CSMD1: variants seen among roughly 807,000 people sequenced by gnomAD.
The protein encoded by CSMD1 is CUB and sushi domain-containing protein 1.
In CSMD1, 213 loss-of-function variants were observed where a neutral mutation model predicts 417.5. That is an observed-to-expected ratio of 0.51 (90% CI 0.46 to 0.57). CSMD1 has a LOEUF of 0.57. Among genes scored for constraint, CSMD1 ranks in the 20% least tolerant of loss-of-function variants. The pLI is 0.00. For missense variants in CSMD1, 6,923 were observed against 4,529.7 expected (o/e 1.53, Z -15.17); for synonymous variants, 2,862 against 1,736.8 (o/e 1.65, Z -16.11).
chr8:3,976,928 G>T (rs1040911071), intron 5 of CSMD1, among the ~76,000 whole-genome samples: 2 of 152,182 alleles, frequency 1.3e-5, no homozygotes, highest in African/African-American at 4.8e-5. Flanking sequence ...TTTACATAGT[G>T]TCTAGTACAG....
intron 1 of CSMD1, among the ~76,000 whole-genome samples, chr8:4,796,321 G>C (rs139889295): frequency 1.3e-5 from 2 of 151,892 alleles, no homozygotes; most frequent in Admixed American, 6.6e-5. Context: ...GATGACAAGC[G>C]ACCAACGTGA....
intron 2 of CSMD1, among the ~76,000 whole-genome samples, chr8:4,482,754 T>A (rs755127443): frequency 6.6e-6 from 1 of 152,318 alleles, no homozygotes. Flanking sequence ...CTTGCCAGCA[T>A]CTGTTATTTT....
At chr8:3,362,200 G>T (rs1206647587) in intron 20 of CSMD1, among the ~76,000 whole-genome samples, 1 of 152,100 alleles carries the variant, frequency 6.6e-6, no homozygotes, top group Admixed American at 6.6e-5. Context: ...GGACTTCACA[G>T]TCACCCAGCC....
intron 3 of CSMD1, among the ~76,000 whole-genome samples, chr8:4,155,039 C>G (rs1395307375): frequency 3.9e-5 from 6 of 152,208 alleles, no homozygotes; most frequent in Non-Finnish European, 8.8e-5. Flanking sequence ...GAACCTAACA[C>G]TGCTGCAGAA....
At chr8:4,080,878 T>G (rs1800093746) in intron 3 of CSMD1, among the ~76,000 whole-genome samples, 1 of 152,212 alleles carries the variant, frequency 6.6e-6, no homozygotes, top group Non-Finnish European at 1.5e-5. Context: ...AACTCTTATT[T>G]AGACTTAGAC....
At chr8:4,438,981 C>G (rs531275658) in intron 2 of CSMD1, among the ~76,000 whole-genome samples, 1 of 152,258 alleles carries the variant, frequency 6.6e-6, no homozygotes, top group East Asian at 1.9e-4. Flanking sequence ...CTTCATCAGT[C>G]CTAGACGTTT....
rs558510890 is a variant in CSMD1 at position 3,584,914 on chromosome 8, G to A, written c.1222+1222C>T. On this transcript the variant is annotated intron_variant, in intron 9 of 69. Coordinates refer to ENST00000635120, the MANE Select transcript of CSMD1 (RefSeq NM_033225.6). Reference sequence around the variant, plus strand: ...GTACAGCTCTTTGAAGTGCTTAAGGGTCTTATGTTAGAATTGAAAAATGCA... The same window carrying A: ...GTACAGCTCTTTGAAGTGCTTAAGGATCTTATGTTAGAATTGAAAAATGCA... Among the ~76,000 whole-genome samples, 41 of 152,230 alleles carry A rather than the reference G, an allele frequency of 2.7e-4. No homozygotes were observed. In the South Asian group the frequency reaches 2.9e-3, roughly 11 times the overall value.
chr8:3,135,259 C>T (rs1465835875), intron 41 of CSMD1, among the ~76,000 whole-genome samples: 3 of 152,182 alleles, frequency 2.0e-5, no homozygotes, highest in African/African-American at 7.2e-5. Context: ...TGCAGAAGCA[C>T]ATGAGGACAT....
At chr8:4,517,547 G>A (rs149613321) in intron 2 of CSMD1, among the ~76,000 whole-genome samples, 3 of 152,032 alleles carry the variant, frequency 2.0e-5, no homozygotes, top group African/African-American at 7.3e-5. Flanking sequence ...TCCCTTTACT[G>A]CTTTATTCTA....
At chr8:4,408,232 T>C (rs7831167) in intron 3 of CSMD1, among the ~76,000 whole-genome samples, 16,575 of 152,226 alleles carry the variant, frequency 0.11, 1,071 homozygotes, top group East Asian at 0.26. Context: ...TCCTTCCTTA[T>C]TGGTGGTGTT....
At chr8:3,298,258 T>TA (rs1224919026) in intron 25 of CSMD1, among the ~76,000 whole-genome samples, 1 of 152,174 alleles carries the variant, frequency 6.6e-6, no homozygotes, top group Non-Finnish European at 1.5e-5. Context: ...AAAGCATACA[T>TA]ACATTCACCA....
At chr8:3,959,222 G>T (rs1225104212) in intron 5 of CSMD1, among the ~76,000 whole-genome samples, 1 of 152,226 alleles carries the variant, frequency 6.6e-6, no homozygotes, top group Non-Finnish European at 1.5e-5. Flanking sequence ...TTTCTAGACA[G>T]AGCAGGGTGG....
intron 3 of CSMD1, among the ~76,000 whole-genome samples, chr8:4,343,451 A>G (rs1800596036): frequency 6.6e-6 from 1 of 152,124 alleles, no homozygotes; most frequent in Admixed American, 6.6e-5. Context: ...ATGTGTGGTG[A>G]TGAATATGTT....
intron 5 of CSMD1, among the ~76,000 whole-genome samples, chr8:3,890,511 C>T (rs1690489403): frequency 6.6e-6 from 1 of 151,896 alleles, no homozygotes; most frequent in African/African-American, 2.4e-5. Context: ...GGCACACTTG[C>T]AGGACTCGGT....
At chr8:4,854,099 G>C (rs999521075) in intron 1 of CSMD1, among the ~76,000 whole-genome samples, 2 of 152,168 alleles carry the variant, frequency 1.3e-5, no homozygotes, top group Non-Finnish European at 2.9e-5. Context: ...TTGGACATGA[G>C]ACATAGAACT....
At chr8:3,346,706 A>T (rs1370481214) in intron 22 of CSMD1, among the ~76,000 whole-genome samples, 1 of 152,182 alleles carries the variant, frequency 6.6e-6, no homozygotes, top group African/African-American at 2.4e-5. Context: ...CATTCCAGCC[A>T]TTCTGTAAAG....
intron 3 of CSMD1, among the ~76,000 whole-genome samples, chr8:4,064,294 C>A (rs554058349): frequency 2.4e-4 from 36 of 152,250 alleles, no homozygotes; most frequent in South Asian, 1.0e-3. Context: ...TATTTTATAT[C>A]CTGCAATGTT....
At chr8:4,732,635 G>A (rs1471082393) in intron 1 of CSMD1, among the ~76,000 whole-genome samples, 1 of 152,086 alleles carries the variant, frequency 6.6e-6, no homozygotes. Flanking sequence ...CAAGGCCCCT[G>A]GGAATCGTGA....
chr8:4,176,832 A>T (rs1197969063), intron 3 of CSMD1, among the ~76,000 whole-genome samples: 3 of 148,384 alleles, frequency 2.0e-5, no homozygotes, highest in Non-Finnish European at 4.5e-5. Context: ...AGAGACAAAG[A>T]AGGCCATTAC....
Sources: gnomAD v4.1 joint callset for allele counts (sites outside exome capture counted in the v4.1 genomes callset) on GRCh38, gnomAD v4.1.1 for gene constraint, MANE v1.5 for transcripts, NCBI Gene and HGNC (gene_info 2026-07-23, HGNC 2026-07-21) for gene names.